Variants in CEP128 observed in about 807,000 individuals in gnomAD.
The protein encoded by CEP128 is centrosomal protein 128kDa.
In CEP128, 132 loss-of-function variants were observed where a neutral mutation model predicts 156.7. The observed-to-expected ratio is 0.84, with a 90% CI of 0.73 to 0.97. CEP128 has a LOEUF of 0.97. Among genes scored for constraint, CEP128 ranks in the 50% least tolerant of loss-of-function variants. The pLI, the probability that CEP128 is intolerant of heterozygous loss-of-function variation, is 0.00. For missense variants in CEP128, 1,252 were observed against 1,281.9 expected (o/e 0.98, Z 0.36); for synonymous variants, 469 against 448.9 (o/e 1.04, Z -0.57).
chr14:80,805,664 G>A (rs1238366676), intron 13 of CEP128, among the ~76,000 whole-genome samples: 1 of 152,112 alleles, frequency 6.6e-6, no homozygotes, highest in East Asian at 1.9e-4. Context: ...ATGTCTTGAT[G>A]AACTTAATTT....
intron 2 of CEP128, among the ~76,000 whole-genome samples, chr14:80,930,623 G>A (rs1885407534): frequency 6.6e-6 from 1 of 152,206 alleles, no homozygotes; most frequent in Admixed American, 6.5e-5. Context: ...CCTGCTTTGT[G>A]TATGTGATGA....
At chr14:80,623,581 AT>A (rs1486517475) in intron 19 of CEP128, among the ~76,000 whole-genome samples, 2 of 151,910 alleles carry the variant, frequency 1.3e-5, no homozygotes, top group Non-Finnish European at 2.9e-5. Flanking sequence ...TTATATTTAT[AT>A]TTTACATAAA....
chr14:80,756,471 A>C (rs1292390472), intron 18 of CEP128, among the ~76,000 whole-genome samples: 4 of 152,146 alleles, frequency 2.6e-5, no homozygotes, highest in Non-Finnish European at 5.9e-5. Flanking sequence ...CCCAAAACTA[A>C]CTAACTGGAG....
At chr14:80,496,156 C>T (rs554067126), downstream of CEP128, among the ~76,000 whole-genome samples, 4 of 152,286 alleles carry the variant, frequency 2.6e-5, no homozygotes, top group Non-Finnish European at 4.4e-5. Flanking sequence ...TTGCGACATG[C>T]ATACCTGTTT....
chr14:80,758,115 TAAAG>T (rs1389157058), intron 17 of CEP128, among the ~76,000 whole-genome samples: 1 of 152,252 alleles, frequency 6.6e-6, no homozygotes, highest in Non-Finnish European at 1.5e-5. Context: ...TGTGGCCTAA[TAAAG>T]ATATTAATGT....
At chr14:80,666,507 T>C (rs1299029712) in intron 19 of CEP128, among the ~76,000 whole-genome samples, 1 of 152,154 alleles carries the variant, frequency 6.6e-6, no homozygotes, top group African/African-American at 2.4e-5. Context: ...CTTGAAGAAT[T>C]ATCACATCAT....
chr14:80,656,815 G>A (rs1398915296), intron 19 of CEP128, among the ~76,000 whole-genome samples: 1 of 152,102 alleles, frequency 6.6e-6, no homozygotes, highest in Non-Finnish European at 1.5e-5. Context: ...TGCTGGTTGT[G>A]GGTACAACTA....
At chr14:80,893,734 A>T (rs4903946) in intron 8 of CEP128, among the ~76,000 whole-genome samples, 84,658 of 151,568 alleles carry the variant, frequency 0.56, 25,631 homozygotes, top group African/African-American at 0.8. Flanking sequence ...GGGGTGATGG[A>T]TGTGTCCTTA....
At chr14:80,818,566 G>A (rs1015851386) in intron 13 of CEP128, among the ~76,000 whole-genome samples, 1 of 152,226 alleles carries the variant, frequency 6.6e-6, no homozygotes, top group African/African-American at 2.4e-5. Flanking sequence ...CAGCCATCTA[G>A]AGGTAGCTCA....
intron 20 of CEP128, among the ~76,000 whole-genome samples, chr14:80,566,382 T>C (rs1180532938): frequency 6.6e-6 from 1 of 152,234 alleles, no homozygotes; most frequent in Non-Finnish European, 1.5e-5. Context: ...AGTCATTTTA[T>C]TTGAAATTAT....
chr14:80,713,055 A>G (rs1056342113), intron 19 of CEP128, among the ~76,000 whole-genome samples: 4 of 152,196 alleles, frequency 2.6e-5, no homozygotes, highest in African/African-American at 9.7e-5. Flanking sequence ...CAAGCAGACT[A>G]CCAAGTTGAA....
At chr14:80,945,064 A>G (rs1188349459), upstream of CEP128, among the ~76,000 whole-genome samples, 1 of 152,138 alleles carries the variant, frequency 6.6e-6, no homozygotes, top group Non-Finnish European at 1.5e-5. Flanking sequence ...TAAATACCAC[A>G]GAATGGGTGA....
chr14:80,728,309 A>C (rs1053787316), intron 19 of CEP128, among the ~76,000 whole-genome samples: 2 of 152,214 alleles, frequency 1.3e-5, no homozygotes, highest in African/African-American at 4.8e-5. Context: ...AGACCTGAAC[A>C]TGAGTACACA....
intron 9 of CEP128, among the ~76,000 whole-genome samples, chr14:80,841,816 T>C (rs1189952501): frequency 1.3e-5 from 2 of 151,922 alleles, no homozygotes; most frequent in Non-Finnish European, 2.9e-5. Flanking sequence ...ACCAAACTTA[T>C]AGGGTAGTGG....
chr14:80,864,168 A>G (rs954237899), intron 8 of CEP128, among the ~76,000 whole-genome samples: 1 of 152,208 alleles, frequency 6.6e-6, no homozygotes, highest in Non-Finnish European at 1.5e-5. Context: ...CTTTATTATA[A>G]GAATACAATA....
chr14:80,633,965 C>T (rs1228496745), intron 19 of CEP128, among the ~76,000 whole-genome samples: 1 of 152,106 alleles, frequency 6.6e-6, no homozygotes, highest in Non-Finnish European at 1.5e-5. Flanking sequence ...GTATTCATGC[C>T]TAAGGTAGGA....
chr14:80,536,781 T>G (rs952923354), intron 21 of CEP128, among the ~76,000 whole-genome samples: 2 of 152,208 alleles, frequency 1.3e-5, no homozygotes, highest in Non-Finnish European at 2.9e-5. Flanking sequence ...ACATTCTTTA[T>G]GAGCCCCAGT....
At chr14:80,797,350 G>C (rs773610114) in intron 13 of CEP128, among the ~76,000 whole-genome samples, 2 of 152,174 alleles carry the variant, frequency 1.3e-5, no homozygotes, top group Non-Finnish European at 2.9e-5. Context: ...CATTGATTGG[G>C]TATGTGAGTG....
chr14:80,925,329 C>T (rs1325609600), intron 2 of CEP128, among the ~76,000 whole-genome samples: 1 of 151,448 alleles, frequency 6.6e-6, no homozygotes, highest in African/African-American at 2.4e-5. Flanking sequence ...GAGGAGGTGG[C>T]CAATGAGATT....
Sources: gnomAD v4.1 joint callset for allele counts (sites outside exome capture counted in the v4.1 genomes callset) on GRCh38, gnomAD v4.1.1 for gene constraint, MANE v1.5 for transcripts, NCBI Gene and HGNC (gene_info 2026-07-23, HGNC 2026-07-21) for gene names.